Variants in RPS6KA2 observed in about 807,000 individuals in gnomAD.
RPS6KA2 encodes ribosomal protein S6 kinase A2.
A neutral mutation model predicts 91.8 loss-of-function variants in RPS6KA2; 42 were observed. The ratio of observed to expected loss-of-function variants is 0.46; its 90% CI spans 0.36 to 0.59. The LOEUF (loss-of-function observed/expected upper bound fraction) is 0.59, where lower values mean the gene tolerates loss of function less well. Ranked by LOEUF, RPS6KA2 falls within the 20% of genes least tolerant of loss-of-function variation. The pLI is 0.00. For synonymous variants in RPS6KA2, 414 were observed against 393.6 expected (o/e 1.05, Z -0.61); for missense variants, 798 against 978.5 (o/e 0.82, Z 2.46).
chr6:166,669,281 T>C (rs1172220340), intron 2 of RPS6KA2, among the ~76,000 whole-genome samples: 1 of 152,090 alleles, frequency 6.6e-6, no homozygotes, highest in Admixed American at 6.5e-5. Context: ...GGGCTGCCTG[T>C]CTCTCTGGCA....
chr6:166,647,408 G>T (rs1444298344), intron 2 of RPS6KA2, among the ~76,000 whole-genome samples: 1 of 152,204 alleles, frequency 6.6e-6, no homozygotes, highest in African/African-American at 2.4e-5. Flanking sequence ...TGGTGGGGAT[G>T]TGGGCCTCCA....
chr6:166,448,936 G>A lies in RPS6KA2; in HGVS notation c.1207-87C>T. ...ACACGCACACAGAATGTGGGGCGAA[G>A]AGAGGCACCGACTGTGAACTGAGTG... is the stretch of plus-strand genomic sequence containing the variant. On this transcript the variant is annotated intron_variant, in intron 13 of 20. Transcript: ENST00000265678. The surrounding 1 kb of genome is among the most constrained non-coding windows in gnomAD (Gnocchi z 4.7). 6.6e-7 allele frequency: 1 copy of A among 1,520,306 alleles called. No individual in the cohort carries two copies. The highest frequency in any genetic ancestry group is 1.2e-5 in the South Asian group (1 of 82,028). 94.2% of individuals were successfully genotyped at this position (1,520,306 alleles called of 1,614,324 possible). A position where few individuals can be genotyped will look rare whatever the true frequency, so the allele number is the denominator to read the frequency against.
intron 2 of RPS6KA2, among the ~76,000 whole-genome samples, chr6:166,752,877 C>G (rs572338268): frequency 6.6e-6 from 1 of 151,882 alleles, no homozygotes; most frequent in Non-Finnish European, 1.5e-5. Flanking sequence ...TCCCTAACCA[C>G]TGTGTTAAGC....
In RPS6KA2 at chr6:166,500,383, G is replaced by A. The variant is rs987068798; in HGVS notation, c.604+504C>T. On this transcript the variant is annotated intron_variant, in intron 7 of 20. Coordinates refer to ENST00000265678, the MANE Select transcript of RPS6KA2 (RefSeq NM_021135.6). The surrounding 1 kb of genome is among the most constrained non-coding windows in gnomAD (Gnocchi z 4.3). ...ATTTGCTGGTGGCTGCCAGGGCTCA[G>A]ATGGAAACAGGGAGGGAAGTCACGT... 7.2e-5 allele frequency among the ~76,000 whole-genome samples: 11 copies of A among 152,358 alleles called. No homozygotes were observed. Among genetic ancestry groups the A allele is most frequent in the African/African-American group, 1.2e-4 (5 of 41,584 alleles).
At chr6:166,566,459 C>T (rs1398496684) in intron 1 of RPS6KA2, among the ~76,000 whole-genome samples, 1 of 152,232 alleles carries the variant, frequency 6.6e-6, no homozygotes, top group African/African-American at 2.4e-5. Flanking sequence ...ACAGGTCTGC[C>T]CATCCACCAC....
At chr6:166,768,496 T>C (rs535938915) in intron 2 of RPS6KA2, among the ~76,000 whole-genome samples, 15 of 152,304 alleles carry the variant, frequency 9.8e-5, no homozygotes, top group African/African-American at 3.4e-4. Context: ...CAGGGGCAGC[T>C]GCCTCTGCTT....
chr6:166,526,495 G>A (rs6923077), intron 3 of RPS6KA2, among the ~76,000 whole-genome samples: 29,864 of 151,650 alleles, frequency 0.2, 3,137 homozygotes, highest in African/African-American at 0.26. Context: ...ACAGGTGTGC[G>A]CCACCATACC....
At chr6:166,632,846 C>T (rs1787121505) in intron 2 of RPS6KA2, among the ~76,000 whole-genome samples, 1 of 152,072 alleles carries the variant, frequency 6.6e-6, no homozygotes, top group Non-Finnish European at 1.5e-5. Context: ...AACTCAGGAA[C>T]AGGGTCGGGG....
Position 166,508,078 on chromosome 6 carries a change from C to CA in RPS6KA2, c.459+124_459+125insT. ...TTGCACACACTCACACATGCACACA[C>CA]CCCCACACACACACACGCACTCTCG... On this transcript the variant is annotated intron_variant, in intron 5 of 20. Transcript: ENST00000265678. The surrounding 1 kb of genome is among the most constrained non-coding windows in gnomAD (Gnocchi z 4.3). 1.6e-6 allele frequency: 1 copy of CA among 639,540 alleles called. No individual in the cohort carries two copies. Among genetic ancestry groups the CA allele is most frequent in the South Asian group, 1.8e-5 (1 of 54,390 alleles). 39.6% of individuals were successfully genotyped at this position (639,540 alleles called of 1,614,324 possible). A position where few individuals can be genotyped will look rare whatever the true frequency, so the allele number is the denominator to read the frequency against.
chr6:166,841,879 AC>A (rs1228384894), intron 2 of RPS6KA2, among the ~76,000 whole-genome samples: 3 of 152,070 alleles, frequency 2.0e-5, no homozygotes, highest in African/African-American at 7.2e-5. Flanking sequence ...TTCTCTAATC[AC>A]CAATTGGTCC....
intron 2 of RPS6KA2, among the ~76,000 whole-genome samples, chr6:166,829,146 C>CA (rs1164676766): frequency 1.3e-4 from 20 of 152,190 alleles, no homozygotes; most frequent in Non-Finnish European, 2.6e-4. Context: ...GGCACCACTT[C>CA]ACTCCCATTG....
intron 2 of RPS6KA2, among the ~76,000 whole-genome samples, chr6:166,828,586 A>G (rs138753612): frequency 1.3e-3 from 204 of 152,370 alleles, no homozygotes; most frequent in African/African-American, 4.7e-3. Flanking sequence ...AAGTGGTATC[A>G]CTGACTCATC....
intron 1 of RPS6KA2, among the ~76,000 whole-genome samples, chr6:166,560,937 GT>G (rs34982304): frequency 0.38 from 56,766 of 148,638 alleles, 11,908 homozygotes; most frequent in African/African-American, 0.57. Context: ...CCAACATGGT[GT>G]TTTTTTTTTT....
intron 3 of RPS6KA2, among the ~76,000 whole-genome samples, chr6:166,518,434 C>CA (rs933491340): frequency 6.6e-6 from 1 of 150,978 alleles, no homozygotes; most frequent in Non-Finnish European, 1.5e-5. Flanking sequence ...AAAAGGCAAA[C>CA]AAAAAAATAT....
rs74565989 is a variant in RPS6KA2, at chr6:166,724,639, G to A, written c.123+133561C>T. Among the ~76,000 whole-genome samples the A allele has an allele frequency of 4.6e-5, 7 of 152,308 alleles. No homozygotes were observed. In the East Asian group the frequency reaches 9.6e-4, roughly 21 times the overall value. ...CTCAGCTTTGTCACCATACGTCACC[G>A]CACAGGTCCTGGTTTTCCTGCCGCC... On this transcript the variant is annotated intron_variant, in intron 2 of 21. Coordinates refer to the RPS6KA2 transcript ENST00000503859.
intron 2 of RPS6KA2, among the ~76,000 whole-genome samples, chr6:166,712,818 A>G (rs1789903039): frequency 1.3e-5 from 2 of 152,228 alleles, no homozygotes; most frequent in Non-Finnish European, 2.9e-5. Flanking sequence ...ATAAGCAGAC[A>G]GCACCCGAGG....
intron 1 of RPS6KA2, among the ~76,000 whole-genome samples, chr6:166,582,402 A>G (rs988651041): frequency 1.3e-5 from 2 of 152,250 alleles, no homozygotes. Flanking sequence ...CATGTGTTAA[A>G]TGACCATATA....
intron 1 of RPS6KA2, among the ~76,000 whole-genome samples, chr6:166,564,443 G>A (rs1377784879): frequency 6.6e-6 from 1 of 152,120 alleles, no homozygotes; most frequent in Non-Finnish European, 1.5e-5. Context: ...CTCACAAGCA[G>A]CTTCTGTGCC....
chr6:166,429,989 GT>G (rs1779065003), intron 16 of RPS6KA2, among the ~76,000 whole-genome samples: 1 of 148,584 alleles, frequency 6.7e-6, no homozygotes, highest in African/African-American at 2.5e-5. Context: ...ATGGAGTCTC[GT>G]CCTGTCACGC....
Sources: allele counts gnomAD v4.1 joint callset (sites outside exome capture counted in the v4.1 genomes callset), GRCh38; gene constraint gnomAD v4.1.1; non-coding constraint Gnocchi (gnomAD v3.1); transcripts MANE v1.5; gene names NCBI Gene and HGNC (gene_info 2026-07-23, HGNC 2026-07-21).